Variants in GMEB1 observed in about 807,000 individuals in gnomAD.
GMEB1 encodes the protein glucocorticoid modulatory element binding protein 1.
Under a neutral mutation model 52.4 loss-of-function variants are expected in GMEB1, and 6 were observed. The ratio of observed to expected loss-of-function variants is 0.11; its 90% CI spans 0.06 to 0.23. The LOEUF is 0.23. Among genes scored for constraint, GMEB1 ranks in the 10% least tolerant of loss-of-function variants. The pLI is 1.00. For synonymous variants in GMEB1, 255 were observed against 244.9 expected (o/e 1.04, Z -0.38); for missense variants, 486 against 685.6 (o/e 0.71, Z 3.25).
At chr1:28,684,562 CAAAA>C (rs35899215) in intron 2 of GMEB1, among the ~76,000 whole-genome samples, 1 of 103,012 alleles carries the variant, frequency 9.7e-6, no homozygotes, top group Non-Finnish European at 1.9e-5. Context: ...GACTCCATCT[CAAAA>C]AAAAAAAAAA....
intron 1 of GMEB1, among the ~76,000 whole-genome samples, chr1:28,673,186 G>A (rs1211674829): frequency 3.9e-5 from 6 of 152,044 alleles, no homozygotes; most frequent in Non-Finnish European, 7.4e-5. Flanking sequence ...GAGCCACTGC[G>A]CCCAGCCAGT....
chr1:28,672,531 T>G (rs1668942477), intron 1 of GMEB1, among the ~76,000 whole-genome samples: 1 of 151,744 alleles, frequency 6.6e-6, no homozygotes. Flanking sequence ...CCTACTTTTT[T>G]AAGTCCCCAG....
rs189232939 is a variant in GMEB1 at position 28,701,510 on chromosome 1, C to T, written c.599-928C>T. Among the ~76,000 whole-genome samples the T allele has an allele frequency of 3.4e-3, 515 of 152,066 alleles. 3 individuals carry two copies. Among genetic ancestry groups the T allele is most frequent in the African/African-American group, 0.012 (488 of 41,486 alleles). ...GTCTCGATCTCCTGATCTCGTGATC[C>T]GCCCACCTCGGCCTCCCAAAGTGCT... On this transcript the variant is annotated intron_variant, in intron 6 of 9. Transcript: ENST00000373816.
rs1223208013 is a variant in GMEB1 at position 28,714,337 on chromosome 1, A to G, written c.1256A>G (p.Gln419Arg). ...AATATTCCAGTGGCCACCCTCAGCC[A>G]GGGCTCCAGTCCTGTGACTGTCCAC... ...MGNIPVATLS[Q>R]GSSPVTVHTL... The change falls in exon 10 of 10, where the codon CAG becomes CGG. Residue 419 changes from glutamine to arginine, a missense_variant. Gln to Arg is a conservative substitution (Grantham distance 43, BLOSUM62 1). Coordinates refer to ENST00000373816, the MANE Select transcript of GMEB1 (RefSeq NM_001319674.2). 1.2e-6 allele frequency: 2 copies of G among 1,614,200 alleles called. No individual in the cohort carries two copies. The highest frequency in any genetic ancestry group is 1.7e-6 in the Non-Finnish European group (2 of 1,180,028).
At chr1:28,668,470 G>A (rs191986676), upstream of GMEB1, among the ~76,000 whole-genome samples, 4 of 152,234 alleles carry the variant, frequency 2.6e-5, no homozygotes, top group Admixed American at 2.6e-4. Flanking sequence ...GTCCTCCAGA[G>A]GAGTCGAGAA....
At chr1:28,710,264 CA>C (rs1334819969) in intron 8 of GMEB1, among the ~76,000 whole-genome samples, 1 of 152,196 alleles carries the variant, frequency 6.6e-6, no homozygotes, top group Non-Finnish European at 1.5e-5. Context: ...CTTGGCCTCC[CA>C]AAGTGTTGGG....
At chr1:28,692,246 T>C (rs568431413) in intron 4 of GMEB1, among the ~76,000 whole-genome samples, 2 of 151,806 alleles carry the variant, frequency 1.3e-5, no homozygotes, top group South Asian at 4.2e-4. Flanking sequence ...CAAAAAAAAC[T>C]ATTGGCTGGG....
At chr1:28,685,804 C>T (rs1669614605) in intron 2 of GMEB1, among the ~76,000 whole-genome samples, 2 of 151,900 alleles carry the variant, frequency 1.3e-5, no homozygotes, top group Non-Finnish European at 2.9e-5. Context: ...ACTAAAAATA[C>T]AAAAATTAGC....
At chr1:28,672,197 TTTTA>T (rs201524415) in intron 1 of GMEB1, among the ~76,000 whole-genome samples, 2,037 of 136,060 alleles carry the variant, frequency 0.015, 24 homozygotes, top group African/African-American at 0.04. Context: ...TAACTTTTAT[TTTTA>T]TTTATTTATT....
At position 28,690,207 on chromosome 1, in the gene GMEB1, T is replaced by TGG. The variant is rs749636563; in HGVS notation, c.211+21_211+22insGG. Reference sequence around the variant, plus strand: ...GATTGGTAAGGGTTTTTTTGTGTTTTTTTTTTTTTTTTTTTTTGTCATTCT... The same window carrying TGG: ...GATTGGTAAGGGTTTTTTTGTGTTTTGGTTTTTTTTTTTTTTTTTGTCATTCT... On this transcript the variant is annotated intron_variant, in intron 3 of 9. Coordinates refer to ENST00000373816, the MANE Select transcript of GMEB1 (RefSeq NM_001319674.2). 4 of 971,704 alleles carry TGG rather than the reference T, an allele frequency of 4.1e-6. No individual in the cohort carries two copies. In the Admixed American group the frequency reaches 7.9e-5, roughly 19 times the overall value. The allele number at this position is 971,704 out of a possible 1,614,324, so 60.2% of individuals were successfully genotyped here. A position where few individuals can be genotyped will look rare whatever the true frequency, so the allele number is the denominator to read the frequency against.
At chr1:28,676,979 A>G (rs1486010714) in intron 1 of GMEB1, among the ~76,000 whole-genome samples, 1 of 152,142 alleles carries the variant, frequency 6.6e-6, no homozygotes, top group Non-Finnish European at 1.5e-5. Context: ...ACTTGAACCC[A>G]GGAGGCAGAG....
intron 9 of GMEB1, among the ~76,000 whole-genome samples, chr1:28,712,610 A>G (rs183529195): frequency 1.8e-4 from 26 of 148,102 alleles, no homozygotes; most frequent in Non-Finnish European, 3.4e-4. Context: ...CATGAGGTCA[A>G]GAGATTGAAA....
rs951975000 is a variant in GMEB1 at position 28,689,498 on chromosome 1, G to A, written c.129-606G>A. On this transcript the variant is annotated intron_variant, in intron 2 of 9. Transcript: ENST00000373816. ...AAAAAATTTAGTGGGGCGTGGTGGC[G>A]GGCTCCTGTAGTCCCAGCTACTCGG... Among the ~76,000 whole-genome samples, 11 of 152,080 alleles carry A rather than the reference G, an allele frequency of 7.2e-5. No homozygotes were observed. In the East Asian group the frequency reaches 9.7e-4, roughly 13 times the overall value.
chr1:28,705,676 C>G (rs997986176), intron 8 of GMEB1, among the ~76,000 whole-genome samples: 1 of 150,298 alleles, frequency 6.7e-6, no homozygotes, highest in Non-Finnish European at 1.5e-5. Flanking sequence ...GTCTCAAACT[C>G]CTGACCTTGG....
At chr1:28,704,074 T>A (rs1670636995) in intron 7 of GMEB1, 118 bp from the exon 8 acceptor site, 3 of 951,606 alleles carry the variant, frequency 3.2e-6, no homozygotes, top group African/African-American at 3.4e-5. Context: ...TTTTCAGGAA[T>A]GGCCCAATAA....
At chr1:28,694,886 A>T in intron 5 of GMEB1, among the ~76,000 whole-genome samples, 1 of 146,860 alleles carries the variant, frequency 6.8e-6, no homozygotes, top group African/African-American at 2.5e-5. Context: ...CTGGTCTCGA[A>T]CTCCTGACCT....
At chr1:28,692,837 T>C in intron 4 of GMEB1, 105 bp from the exon 5 acceptor site, 1 of 561,960 alleles carries the variant, frequency 1.8e-6, no homozygotes, top group South Asian at 2.5e-5. Flanking sequence ...GGATGTCATC[T>C]GGGTATTTTT....
intron 5 of GMEB1, among the ~76,000 whole-genome samples, chr1:28,696,149 C>T (rs892193217): frequency 6.6e-5 from 10 of 151,766 alleles, no homozygotes; most frequent in Admixed American, 3.9e-4. Flanking sequence ...CTTACTGCAA[C>T]CTCAGCTTCC....
At chr1:28,684,520 G>A (rs1319986708) in intron 2 of GMEB1, among the ~76,000 whole-genome samples, 1 of 140,604 alleles carries the variant, frequency 7.1e-6, no homozygotes, top group Admixed American at 7.9e-5. Context: ...CCGAGATCGC[G>A]CCACTGCACT....
Sources: allele counts gnomAD v4.1 joint callset (sites outside exome capture counted in the v4.1 genomes callset), GRCh38; gene constraint gnomAD v4.1.1; transcripts MANE v1.5; gene names NCBI Gene and HGNC (gene_info 2026-07-23, HGNC 2026-07-21).